Variants in DCDC2C observed in about 807,000 individuals in gnomAD.
The protein encoded by DCDC2C is doublecortin domain-containing protein 2C.
A neutral mutation model predicts 45.0 loss-of-function variants in DCDC2C; 44 were observed. The observed-to-expected ratio is 0.98, with a 90% CI of 0.77 to 1.26. DCDC2C has a LOEUF of 1.26. Among genes scored for constraint, DCDC2C ranks in the 50% most tolerant of loss-of-function variants. The pLI, the probability that DCDC2C is intolerant of heterozygous loss-of-function variation, is 0.00. For missense variants in DCDC2C, 447 were observed against 468.9 expected, an observed-to-expected ratio of 0.95 and a Z score of 0.43; for synonymous variants, 187 against 178.8, an observed-to-expected ratio of 1.05 and a Z score of -0.37.
Position 3,723,666 on chromosome 2 carries a change from A to C in DCDC2C, c.340-3337A>C, listed in dbSNP as rs571543288. Among the ~76,000 whole-genome samples the C allele has an allele frequency of 2.6e-5, 4 of 152,206 alleles. No homozygotes were observed. The East Asian group carries it at 7.7e-4, about 29-fold the overall frequency. ...GTTTACAAAGGCTACTTTGCTTGCC[A>C]TGAGGGAAGGATTGTCTCGGGGCAG... On this transcript the variant is annotated intron_variant, in intron 2 of 10. Transcript: ENST00000399143.
chr2:3,782,633 C>T (rs1299516842), intron 9 of DCDC2C, among the ~76,000 whole-genome samples: 1 of 152,096 alleles, frequency 6.6e-6, no homozygotes, highest in Non-Finnish European at 1.5e-5. Flanking sequence ...CACCTGCCAC[C>T]ACACCTGGCC....
chr2:3,763,349 C>T (rs6744389), intron 6 of DCDC2C, among the ~76,000 whole-genome samples: 56,272 of 151,998 alleles, frequency 0.37, 11,174 homozygotes, highest in East Asian at 0.68. Context: ...CGCGACCCAG[C>T]GCTGGTGAGC....
intron 2 of DCDC2C, among the ~76,000 whole-genome samples, chr2:3,715,576 T>TTCCATCCA (rs59747438): frequency 0.015 from 2,215 of 151,156 alleles, 22 homozygotes; most frequent in Middle Eastern, 0.027. Flanking sequence ...ATCCTAAACT[T>TTCCATCCA]TCCATCCATC....
chr2:3,782,117 C>A (rs991734986), intron 9 of DCDC2C, among the ~76,000 whole-genome samples: 2 of 152,154 alleles, frequency 1.3e-5, no homozygotes, highest in African/African-American at 2.4e-5. Context: ...CCCTGTCCTG[C>A]GCTAACTCCC....
chr2:3,793,363 G>A (rs1670874091), intron 10 of DCDC2C, among the ~76,000 whole-genome samples: 1 of 152,236 alleles, frequency 6.6e-6, no homozygotes, highest in Non-Finnish European at 1.5e-5. Flanking sequence ...GCCGCCTTCT[G>A]CATCGGAAGC....
rs139196104 is a variant in DCDC2C, at chr2:3,813,332, G to A, written c.1065+28232G>A. On this transcript the variant is annotated intron_variant, in intron 10 of 10. Transcript: ENST00000399143. ...TCTGCCTGCCTCAGCCTCCCAAAGC[G>A]CTGGGATTACAGGCGTCAGCCACCA... is the stretch of plus-strand genomic sequence containing the variant. 5.6e-3 allele frequency among the ~76,000 whole-genome samples: 858 copies of A among 152,178 alleles called. 8 individuals carry two copies. Among genetic ancestry groups the A allele is most frequent in the African/African-American group, 0.02 (813 of 41,508 alleles).
intron 2 of DCDC2C, among the ~76,000 whole-genome samples, chr2:3,717,647 C>A (rs1203113129): frequency 6.6e-6 from 1 of 152,192 alleles, no homozygotes; most frequent in East Asian, 1.9e-4. Context: ...TGTTCACATA[C>A]ATTAAGTCAC....
intron 1 of DCDC2C, among the ~76,000 whole-genome samples, chr2:3,706,683 G>A (rs1322351666): frequency 6.6e-6 from 1 of 152,140 alleles, no homozygotes; most frequent in Non-Finnish European, 1.5e-5. Context: ...AAGTCTCCTC[G>A]TTCTTCCTCA....
At chr2:3,840,249 T>G (rs2148245280) in intron 10 of DCDC2C, among the ~76,000 whole-genome samples, 1 of 152,292 alleles carries the variant, frequency 6.6e-6, no homozygotes, top group East Asian at 1.9e-4. Context: ...TGCTGGTTGT[T>G]TTGCAGAGAA....
intron 10 of DCDC2C, among the ~76,000 whole-genome samples, chr2:3,842,145 C>T (rs553398793): frequency 8.8e-4 from 134 of 152,030 alleles, no homozygotes; most frequent in African/African-American, 2.0e-3. Context: ...AAGTGCTGTC[C>T]GGAATGTGGA....
intron 3 of DCDC2C, among the ~76,000 whole-genome samples, chr2:3,733,814 G>T (rs537242583): frequency 1.3e-5 from 2 of 152,126 alleles, no homozygotes; most frequent in Non-Finnish European, 2.9e-5. Context: ...CATGAACTGG[G>T]GGGTGAGGGG....
At chr2:3,722,524 CTTCCGTCTTTGATTTAGATTTGG>C (rs1310177341) in intron 2 of DCDC2C, among the ~76,000 whole-genome samples, 1 of 152,176 alleles carries the variant, frequency 6.6e-6, no homozygotes, top group Non-Finnish European at 1.5e-5. Context: ...CATCTTGAGT[CTTCCGTCTTTGATTTAGATTTGG>C]TTGAATTGCC....
intron 3 of DCDC2C, among the ~76,000 whole-genome samples, chr2:3,733,708 C>T (rs1668940858): frequency 6.6e-6 from 1 of 152,156 alleles, no homozygotes. Context: ...TTTATAAGGA[C>T]ACTAATCCCA....
intron 10 of DCDC2C, among the ~76,000 whole-genome samples, chr2:3,797,189 T>C (rs1163080385): frequency 6.6e-6 from 1 of 152,246 alleles, no homozygotes; most frequent in Non-Finnish European, 1.5e-5. Flanking sequence ...GATGGTAGTT[T>C]GTATTTCTGT....
intron 10 of DCDC2C, among the ~76,000 whole-genome samples, chr2:3,844,941 T>G (rs944736032): frequency 2.0e-4 from 25 of 125,680 alleles, no homozygotes; most frequent in Non-Finnish European, 1.3e-4. Context: ...TAAAAGCGAA[T>G]TAAGGCATAT....
At chr2:3,832,849 AG>A (rs2148236506) in intron 10 of DCDC2C, among the ~76,000 whole-genome samples, 1 of 152,338 alleles carries the variant, frequency 6.6e-6, no homozygotes, top group South Asian at 2.1e-4. Context: ...TGGAGATGGC[AG>A]GAGTGCTTTT....
At chr2:3,845,097 A>G (rs1672297146) in intron 10 of DCDC2C, among the ~76,000 whole-genome samples, 3 of 152,160 alleles carry the variant, frequency 2.0e-5, no homozygotes, top group East Asian at 1.9e-4. Context: ...AAGCGAATGG[A>G]CTCTCAACTC....
intron 3 of DCDC2C, among the ~76,000 whole-genome samples, chr2:3,728,122 C>T (rs751163525): frequency 6.6e-5 from 10 of 152,176 alleles, no homozygotes; most frequent in African/African-American, 4.8e-5. Flanking sequence ...CACGTCCCCT[C>T]GCAGTCCCGA....
intron 2 of DCDC2C, among the ~76,000 whole-genome samples, chr2:3,714,204 A>G (rs1329922421): frequency 3.3e-5 from 5 of 152,344 alleles, no homozygotes; most frequent in Admixed American, 6.5e-5. Context: ...ACCATAATAT[A>G]CATTTAATAT....
Sources: gnomAD v4.1 joint callset for allele counts (sites outside exome capture counted in the v4.1 genomes callset) on GRCh38, gnomAD v4.1.1 for gene constraint, MANE v1.5 for transcripts, NCBI Gene and HGNC (gene_info 2026-07-23, HGNC 2026-07-21) for gene names.